Variants in RGS6 observed in about 807,000 individuals in gnomAD.
The protein encoded by RGS6 is regulator of G protein signaling 6.
A neutral mutation model predicts 78.5 loss-of-function variants in RGS6; 30 were observed. The ratio of observed to expected loss-of-function variants is 0.38; its 90% CI spans 0.29 to 0.52. RGS6 has a LOEUF of 0.52. RGS6 is among the 20% of genes least tolerant of loss of function. RGS6 has a pLI of 0.85. For missense variants in RGS6, 495 were observed against 609.7 expected (o/e 0.81, Z 1.98); for synonymous variants, 206 against 206.0 (o/e 1.00, Z 0.00).
chr14:72,067,982 A>C (rs1039797886), intron 2 of RGS6, among the ~76,000 whole-genome samples: 3 of 152,182 alleles, frequency 2.0e-5, no homozygotes, highest in African/African-American at 7.2e-5. Flanking sequence ...GTGTGCGTTA[A>C]AGATCAAGAA....
chr14:72,552,753 C>G (rs1487493179), intron 17 of RGS6: 1 of 152,182 alleles, frequency 6.6e-6, no homozygotes, highest in Non-Finnish European at 1.5e-5. Flanking sequence ...CCTTGATAAA[C>G]CGGACCCCTG....
upstream of RGS6, among the ~76,000 whole-genome samples, chr14:71,928,642 C>G (rs113608470): frequency 2.5e-3 from 384 of 152,314 alleles, 5 homozygotes; most frequent in African/African-American, 8.7e-3. Context: ...CTACGCCAAT[C>G]AATTCTATTA....
chr14:72,145,971 C>T (rs1345661488), intron 2 of RGS6, among the ~76,000 whole-genome samples: 1 of 152,098 alleles, frequency 6.6e-6, no homozygotes, highest in African/African-American at 2.4e-5. Flanking sequence ...TTCTCTGTTA[C>T]CTGAGACTGA....
chr14:72,241,623 A>T (rs1247056134), intron 2 of RGS6, among the ~76,000 whole-genome samples: 6 of 152,228 alleles, frequency 3.9e-5, no homozygotes, highest in African/African-American at 1.4e-4. Flanking sequence ...TTAACATTTG[A>T]TGTAGCAATT....
chr14:71,960,669 T>A (rs1246027541), intron 1 of RGS6, among the ~76,000 whole-genome samples: 1 of 152,246 alleles, frequency 6.6e-6, no homozygotes, highest in Non-Finnish European at 1.5e-5. Context: ...GAATCCCTGT[T>A]ATCTCACTCT....
chr14:72,399,840 AAAG>A (rs1204134465), intron 3 of RGS6, among the ~76,000 whole-genome samples: 2 of 152,196 alleles, frequency 1.3e-5, no homozygotes, highest in Non-Finnish European at 2.9e-5. Context: ...TTTAGAGAAA[AAAG>A]AATAAAAAGA....
intron 2 of RGS6, among the ~76,000 whole-genome samples, chr14:72,114,408 C>T (rs1287891283): frequency 6.6e-6 from 1 of 152,210 alleles, no homozygotes; most frequent in Non-Finnish European, 1.5e-5. Context: ...CTAGGACAAT[C>T]ATTAAAACCT....
At chr14:72,329,144 G>A (rs1403422715) in intron 2 of RGS6, among the ~76,000 whole-genome samples, 4 of 152,240 alleles carry the variant, frequency 2.6e-5, no homozygotes, top group Admixed American at 2.0e-4. Flanking sequence ...AAAGTGCTGG[G>A]ATTACAGGCG....
At chr14:72,560,972 T>C (rs2097667355) in intron 17 of RGS6, among the ~76,000 whole-genome samples, 1 of 151,992 alleles carries the variant, frequency 6.6e-6, no homozygotes, top group Non-Finnish European at 1.5e-5. Flanking sequence ...GCAATTTCAT[T>C]TTTGGACAAA....
intron 15 of RGS6, among the ~76,000 whole-genome samples, chr14:72,526,990 A>G (rs538818656): frequency 2.3e-4 from 35 of 152,342 alleles, no homozygotes; most frequent in Middle Eastern, 6.8e-3. Flanking sequence ...GTGAGACTCA[A>G]GGATACAGAC....
chr14:72,267,648 G>A (rs1340699623), intron 2 of RGS6, among the ~76,000 whole-genome samples: 1 of 152,164 alleles, frequency 6.6e-6, no homozygotes, highest in African/African-American at 2.4e-5. Context: ...ACCATTAGGA[G>A]CATTAGCAAC....
intron 2 of RGS6, among the ~76,000 whole-genome samples, chr14:72,190,378 GAAAGAGAC>G (rs1184080157): frequency 2.0e-5 from 3 of 152,226 alleles, no homozygotes; most frequent in Non-Finnish European, 4.4e-5. Context: ...GGGGATTACG[GAAAGAGAC>G]AACATTGTGG....
At chr14:71,904,885 G>T in the RGS6 span, among the ~76,000 whole-genome samples, 200 of 150,782 alleles carry the variant, frequency 1.3e-3, no homozygotes, top group African/African-American at 4.4e-3. Flanking sequence ...GTGCATACTG[G>T]ACTCCATTAT....
In RGS6 at chr14:72,058,111, G is replaced by A. The variant is rs375450809; in HGVS notation, c.84+93236G>A. ...TTTTTGCTTGTCTTCTTCCATGTAA[G>A]TATTTCCAGAGCAGAGGCATTGGCT... On this transcript the variant is annotated intron_variant, in intron 2 of 17. Transcript: ENST00000553525. Among the ~76,000 whole-genome samples the A allele has an allele frequency of 5.4e-5, 8 of 149,248 alleles. No individual in the cohort carries two copies. In the East Asian group the frequency reaches 1.4e-3, roughly 26 times the overall value.
chr14:72,549,452 C>T (rs1048075278), intron 17 of RGS6, among the ~76,000 whole-genome samples: 2 of 152,186 alleles, frequency 1.3e-5, no homozygotes, highest in African/African-American at 4.8e-5. Context: ...GAAAACTCAT[C>T]CTGTCATAGT....
intron 2 of RGS6, among the ~76,000 whole-genome samples, chr14:72,052,775 A>G (rs1020461220): frequency 2.6e-5 from 4 of 152,088 alleles, no homozygotes; most frequent in African/African-American, 9.7e-5. Flanking sequence ...AAGTGGAGGC[A>G]TTTTTGTAAG....
In RGS6 at chr14:72,174,457, G is replaced by A. The variant is rs188609539; in HGVS notation, c.85-177638G>A. Among the ~76,000 whole-genome samples, 9 of 152,322 alleles carry A rather than the reference G, an allele frequency of 5.9e-5. No individual in the cohort carries two copies. The South Asian group carries it at 8.3e-4, about 14-fold the overall frequency. ...GGAGGTGGCTCTGAGCCTCCCAGCC[G>A]CAAGGTAGGGGAGCTCAAAGATGTT... is the stretch of plus-strand genomic sequence containing the variant. On this transcript the variant is annotated intron_variant, in intron 2 of 17. Transcript: ENST00000553525.
At chr14:72,323,921 G>T (rs2072940128) in intron 2 of RGS6, among the ~76,000 whole-genome samples, 1 of 148,964 alleles carries the variant, frequency 6.7e-6, no homozygotes, top group Admixed American at 6.7e-5. Flanking sequence ...CACATAGTAG[G>T]TGTATATATT....
chr14:72,003,820 G>A (rs2083973874), intron 2 of RGS6, among the ~76,000 whole-genome samples: 1 of 152,180 alleles, frequency 6.6e-6, no homozygotes, highest in Non-Finnish European at 1.5e-5. Context: ...CATTTCCCAA[G>A]TTGGGGCAAC....
Sources: gnomAD v4.1 joint callset for allele counts (sites outside exome capture counted in the v4.1 genomes callset) on GRCh38, gnomAD v4.1.1 for gene constraint, MANE v1.5 for transcripts, NCBI Gene and HGNC (gene_info 2026-07-23, HGNC 2026-07-21) for gene names.